MARS1: variants seen among roughly 807,000 people sequenced by gnomAD.
The protein encoded by MARS1 is methionyl-tRNA synthetase 1, also known as methionine--tRNA ligase, cytoplasmic.
In MARS1, 80 loss-of-function variants were observed where a neutral mutation model predicts 119.5. The observed-to-expected ratio is 0.67, with a 90% CI of 0.56 to 0.81. The LOEUF is 0.81. Among genes scored for constraint, MARS1 ranks in the 30% least tolerant of loss-of-function variants. The pLI, the probability that MARS1 is intolerant of heterozygous loss-of-function variation, is 0.00. For missense variants in MARS1, 945 were observed against 1,116.5 expected (o/e 0.85, Z 2.19); for synonymous variants, 418 against 433.4 (o/e 0.96, Z 0.44).
At chr12:57,504,923 C>T (rs979340846) in intron 11 of MARS1, among the ~76,000 whole-genome samples, 4 of 151,632 alleles carry the variant, frequency 2.6e-5, no homozygotes, top group African/African-American at 7.3e-5. Flanking sequence ...AGGCTGGTCT[C>T]GAACTCCTGA....
In MARS1 at chr12:57,515,242, C is replaced by T. The variant is rs577605436; in HGVS notation, c.2297C>T (p.Thr766Ile). ...CCTTACATGCCCACGGTTAGTGCCA[C>T]AATCCAGGCCCAGCTGCAGCTCCCA... is the stretch of plus-strand genomic sequence containing the variant. ...LQPYMPTVSA[T>I]IQAQLQLPPP... The change falls in exon 18 of 21, where the codon ACA becomes ATA. Residue 766 changes from threonine to isoleucine, a missense_variant. Thr to Ile is a moderately conservative substitution (Grantham distance 89). Coordinates refer to ENST00000262027, the MANE Select transcript of MARS1 (RefSeq NM_004990.4). 6.2e-7 allele frequency: 1 copy of T among 1,614,130 alleles called. No homozygotes were observed. The highest frequency in any genetic ancestry group is 1.1e-5 in the South Asian group (1 of 91,082).
intron 7 of MARS1, among the ~76,000 whole-genome samples, chr12:57,492,193 C>T (rs533003644): frequency 4.6e-5 from 7 of 151,140 alleles, no homozygotes; most frequent in African/African-American, 1.7e-4. Flanking sequence ...GCAGGAGAAT[C>T]GCTTGAACCT....
chr12:57,514,709 T>C lies in MARS1; in HGVS notation c.1968-11T>C, dbSNP rs770430762. 3 of 1,614,030 alleles carry C rather than the reference T, an allele frequency of 1.9e-6. No individual in the cohort carries two copies. The highest frequency in any genetic ancestry group is 2.5e-6 in the Non-Finnish European group (3 of 1,180,024). ...CTTTTTTCCACTTCTGCTTTCCTAC[T>C]CCCAACCAAGAGCTGGGATGTTTGT... On this transcript the variant is annotated splice_polypyrimidine_tract_variant and intron_variant, in intron 15 of 20. Coordinates refer to ENST00000262027, the MANE Select transcript of MARS1 (RefSeq NM_004990.4).
At position 57,498,429 on chromosome 12, in the gene MARS1, C is replaced by A; in HGVS notation, c.897C>A (p.Arg299=). The A allele has an allele frequency of 6.2e-7, 1 of 1,613,770 alleles. No homozygotes were observed. The highest frequency in any genetic ancestry group is 1.3e-5 in the African/African-American group (1 of 75,032). Residue 299 remains arginine, a synonymous_variant, in exon 9 of 21, where the codon CGC becomes CGA. Transcript: ENST00000262027. ...LSADVFARYS[R]LRQWNTLYLC... is the part of the protein sequence containing the mutation. ...CCATATTCCCTTGCAGGTACTCTCG[C>A]CTCCGCCAGTGGAACACCCTCTATC... is the stretch of plus-strand genomic sequence containing the variant.
chr12:57,503,563 T>G (rs1186372860), intron 10 of MARS1, among the ~76,000 whole-genome samples: 1 of 151,748 alleles, frequency 6.6e-6, no homozygotes, highest in African/African-American at 2.4e-5. Context: ...TTTTTTTTTT[T>G]TGAGACAGAG....
intron 1 of MARS1, chr12:57,488,430 G>T (rs1207354473): frequency 1.2e-6 from 1 of 834,602 alleles, no homozygotes; most frequent in Non-Finnish European, 1.9e-6. Context: ...CCCCTCTTCC[G>T]TCTTCCCGGT....
At chr12:57,512,644 A>G (rs1877577463) in intron 14 of MARS1, 107 bp from the exon 15 acceptor site, 3 of 907,650 alleles carry the variant, frequency 3.3e-6, no homozygotes, top group Non-Finnish European at 5.2e-6. Context: ...ATGTTGCTAG[A>G]CACCCATAGT....
Position 57,490,208 on chromosome 12 carries a change from G to A in MARS1, c.492G>A (p.Glu164=). Residue 164 remains glutamate, a splice_region_variant and synonymous_variant, in exon 6 of 21, where the codon GAG becomes GAA. Transcript: ENST00000262027. ...TTTTCTTTTCTTCCATACCCACAGAGGAGCTGAGTGCCCTGCACAGCTGGT... is the reference window on the plus strand; with the variant it reads ...TTTTCTTTTCTTCCATACCCACAGAAGAGCTGAGTGCCCTGCACAGCTGGT... The part of the protein sequence containing the change: ...PLLQDPAYLP[E]ELSALHSWFQ... The A allele has an allele frequency of 1.2e-6, 2 of 1,611,586 alleles. No individual in the cohort carries two copies. The highest frequency in any genetic ancestry group is 1.7e-6 in the Non-Finnish European group (2 of 1,179,148).
Position 57,515,301 on chromosome 12 carries a change from C to A in MARS1, c.2356C>A (p.Leu786Met). The change falls in exon 18 of 21, where the codon CTG becomes ATG. Residue 786 changes from leucine to methionine, a missense_variant. Coordinates refer to ENST00000262027, the MANE Select transcript of MARS1 (RefSeq NM_004990.4). ...CTGCAGTATCCTGCTGACAAACTTC[C>A]TGTGTACCTTACCAGCAGGACACCA... ...PACSILLTNF[L>M]CTLPAGHQIG... The A allele has an allele frequency of 6.2e-7, 1 of 1,613,636 alleles. No individual in the cohort carries two copies. Among genetic ancestry groups the A allele is most frequent in the Non-Finnish European group, 8.5e-7 (1 of 1,180,036 alleles).
chr12:57,514,781 G>C lies in MARS1; in HGVS notation c.2029G>C (p.Asp677His), dbSNP rs755847210. The C allele has an allele frequency of 2.5e-6, 4 of 1,614,238 alleles. No individual in the cohort carries two copies. The highest frequency in any genetic ancestry group is 3.4e-6 in the Non-Finnish European group (4 of 1,180,048). The change falls in exon 16 of 21, where the codon GAT becomes CAT. Residue 677 changes from aspartate to histidine, a missense_variant. By Grantham distance (81) the Asp-to-His change is moderately conservative (BLOSUM62 -1). Transcript: ENST00000262027. ...TGTGCCTGAGATGGTGCTCACCCCT[G>C]ATGATCAGCGCCTGCTGGCCCATGT... ...GYVPEMVLTP[D>H]DQRLLAHVTL...
chr12:57,508,084 C>T (rs909677956), intron 11 of MARS1, among the ~76,000 whole-genome samples: 1 of 152,104 alleles, frequency 6.6e-6, no homozygotes, highest in Non-Finnish European at 1.5e-5. Context: ...AGAGACACTC[C>T]TCACTTCCTA....
At position 57,506,624 on chromosome 12, in the gene MARS1, T is replaced by C. The variant is rs191313718; in HGVS notation, c.1368+2325T>C. Among the ~76,000 whole-genome samples the C allele has an allele frequency of 2.6e-3, 396 of 152,320 alleles. 5 individuals carry two copies. Among genetic ancestry groups the C allele is most frequent in the Non-Finnish European group, 1.1e-3 (75 of 68,026 alleles). On this transcript the variant is annotated intron_variant, in intron 11 of 20. Transcript: ENST00000262027. ...GTCAGGTGTTATTCAATTTGTTCAC[T>C]GTGTGATTAATATTTTCCCCATTGC... is the stretch of plus-strand genomic sequence containing the variant.
rs1283216676 is a variant in MARS1 at position 57,491,713 on chromosome 12, G to A, written c.770+1069G>A. Among the ~76,000 whole-genome samples the A allele has an allele frequency of 3.3e-5, 5 of 152,242 alleles. No individual in the cohort carries two copies. The East Asian group carries it at 9.6e-4, about 29-fold the overall frequency. ...TAATTCACAAGGCCCCTGACTGCAGGCTCAGTAACATATTTTGTCACTCTC... is the reference window on the plus strand; with the variant it reads ...TAATTCACAAGGCCCCTGACTGCAGACTCAGTAACATATTTTGTCACTCTC... On this transcript the variant is annotated intron_variant, in intron 7 of 20. Coordinates refer to ENST00000262027, the MANE Select transcript of MARS1 (RefSeq NM_004990.4).
rs58931225 is a variant in MARS1, at chr12:57,492,669, TCACACACA to T, written c.770+2064_770+2071del. 7.3e-3 allele frequency among the ~76,000 whole-genome samples: 1,012 copies of T among 139,536 alleles called. 16 individuals are homozygous for T. Among genetic ancestry groups the T allele is most frequent in the African/African-American group, 0.022 (824 of 37,816 alleles). The allele number at this position is 139,536 out of a possible 152,430, so 91.5% of individuals were successfully genotyped here. On this transcript the variant is annotated intron_variant, in intron 7 of 20. Coordinates refer to ENST00000262027, the MANE Select transcript of MARS1 (RefSeq NM_004990.4). The stretch of plus-strand genomic sequence containing the variant: ...CTGGGCAACAGAGCGCGACTCCATT[TCACACACA>T]CACACACACACACACACACACACAC...
chr12:57,499,439 CAA>C (rs71280718), intron 9 of MARS1, among the ~76,000 whole-genome samples: 3 of 123,146 alleles, frequency 2.4e-5, no homozygotes, highest in African/African-American at 2.9e-5. Flanking sequence ...ACTAAAAATA[CAA>C]AAAAAAAAAA....
Position 57,498,408 on chromosome 12 carries a change from A to G in MARS1, c.888-12A>G, listed in dbSNP as rs773987609. 3 of 1,612,914 alleles carry G rather than the reference A, an allele frequency of 1.9e-6. No homozygotes were observed. In the East Asian group the frequency reaches 6.7e-5, roughly 36 times the overall value. ...AGCGGGGCCCCCTAGCGATCACCAT[A>G]TTCCCTTGCAGGTACTCTCGCCTCC... On this transcript the variant is annotated splice_polypyrimidine_tract_variant and intron_variant, in intron 8 of 20. Transcript: ENST00000262027.
At chr12:57,502,940 C>T (rs990669048) in intron 10 of MARS1, among the ~76,000 whole-genome samples, 10 of 151,916 alleles carry the variant, frequency 6.6e-5, no homozygotes, top group Non-Finnish European at 1.0e-4. Context: ...GCTGGAGAAT[C>T]GCTTGAACCC....
chr12:57,509,979 C>T (rs1877426559), intron 11 of MARS1, among the ~76,000 whole-genome samples: 1 of 152,096 alleles, frequency 6.6e-6, no homozygotes, highest in African/African-American at 2.4e-5. Context: ...CTGATTCCTC[C>T]CCTAGACTAA....
At position 57,511,724 on chromosome 12, in the gene MARS1, G is replaced by A. The variant is rs1594832464; in HGVS notation, c.1395G>A (p.Leu465=). 1 of 1,614,200 alleles carries A rather than the reference G, an allele frequency of 6.2e-7. No individual in the cohort carries two copies. Among genetic ancestry groups the A allele is most frequent in the East Asian group, 2.2e-5 (1 of 44,892 alleles). ...PKLEKRLEEW[L]GRTLPGSDWT... ...TGGAGAAGCGACTGGAGGAGTGGTT[G>A]GGGAGGACATTGCCTGGCAGTGACT... is the stretch of plus-strand genomic sequence containing the variant. Residue 465 remains leucine (L), a synonymous_variant, in exon 12 of 21, where the codon TTG becomes TTA. Transcript: ENST00000262027.
Sources: gnomAD v4.1 joint callset for allele counts (sites outside exome capture counted in the v4.1 genomes callset) on GRCh38, gnomAD v4.1.1 for gene constraint, MANE v1.5 for transcripts, NCBI Gene and HGNC (gene_info 2026-07-23, HGNC 2026-07-21) for gene names.